SBK1: variants seen among roughly 807,000 people sequenced by gnomAD.
The protein encoded by SBK1 is serine/threonine-protein kinase SBK1.
Under a neutral mutation model 24.4 loss-of-function variants are expected in SBK1, and 11 were observed. The observed-to-expected ratio is 0.45, with a 90% CI of 0.28 to 0.75. The LOEUF is 0.75. Among genes scored for constraint, SBK1 ranks in the 30% least tolerant of loss-of-function variants. The pLI is 0.12. For missense variants in SBK1, 467 were observed against 620.5 expected (o/e 0.75, Z 2.63); for synonymous variants, 308 against 284.4 (o/e 1.08, Z -0.83).
At chr16:28,305,688 C>T (rs893166178) in intron 1 of SBK1, among the ~76,000 whole-genome samples, 3 of 152,044 alleles carry the variant, frequency 2.0e-5, no homozygotes, top group Non-Finnish European at 4.4e-5. Context: ...CCTGCCACCA[C>T]ACCTGGCTAC....
Position 28,320,851 on chromosome 16 carries a change from G to C in SBK1, c.1205G>C (p.Arg402Pro). 1 of 1,481,626 alleles carries C rather than the reference G, an allele frequency of 6.7e-7. No individual in the cohort carries two copies. Among genetic ancestry groups the C allele is most frequent in the South Asian group, 1.2e-5 (1 of 81,774 alleles). 91.8% of individuals were successfully genotyped at this position (1,481,626 alleles called of 1,614,324 possible). A position where few individuals can be genotyped will look rare whatever the true frequency, so the allele number is the denominator to read the frequency against. Reference protein sequence around the residue: ...PGLAPQGPPGRTDGRADKSKG... With the variant: ...PGLAPQGPPGPTDGRADKSKG... ...CTAGCTCCCCAGGGGCCCCCCGGCC[G>C]GACCGACGGCCGCGCGGACAAGAGC... is the stretch of plus-strand genomic sequence containing the variant. Residue 402 changes from arginine (R) to proline (P), a missense_variant, in exon 4 of 4, where the codon CGG becomes CCG. Physicochemically the swap from Arg to Pro is moderately radical, Grantham distance 103. This residue lies in a region of SBK1 where 166 missense variants were observed against 146.8 expected (regional missense o/e 1.13). Transcript: ENST00000341901. The surrounding 1 kb of genome is among the most constrained non-coding windows in gnomAD (Gnocchi z 8.5).
At chr16:28,304,403 G>C (rs913702449) in intron 1 of SBK1, among the ~76,000 whole-genome samples, 6 of 152,128 alleles carry the variant, frequency 3.9e-5, no homozygotes, top group Non-Finnish European at 7.3e-5. Flanking sequence ...CAAGAATAGA[G>C]AAGGGGAGAT....
In SBK1 at chr16:28,292,685, G is replaced by A. The variant is rs1055427246; in HGVS notation, c.-623G>A. On this transcript the variant is annotated 5_prime_UTR_variant, in exon 1 of 4. It removes the in-frame stop codon of an upstream open reading frame in the 5' UTR. Coordinates refer to ENST00000341901, the MANE Select transcript of SBK1 (RefSeq NM_001024401.3). ...GCGGCGACCGAGCCCCCCAGCGGCT[G>A]AGGGGCTTCCAGCGCCCGCCGGTGG... 1.4e-5 allele frequency: 14 copies of A among 984,468 alleles called. No homozygotes were observed. In the African/African-American group the frequency reaches 2.4e-4, roughly 17 times the overall value. 61.0% of individuals were successfully genotyped at this position (984,468 alleles called of 1,614,324 possible).
chr16:28,299,576 G>A (rs1053695814), intron 1 of SBK1, among the ~76,000 whole-genome samples: 7 of 152,150 alleles, frequency 4.6e-5, no homozygotes, highest in African/African-American at 1.7e-4. Context: ...CTGTGTCAGG[G>A]AGGAATCTGC....
At chr16:28,273,658 T>C (rs1485193506) in intron 1 of SBK1, among the ~76,000 whole-genome samples, 5 of 152,206 alleles carry the variant, frequency 3.3e-5, no homozygotes, top group Non-Finnish European at 5.9e-5. Context: ...GGTCTTAAAC[T>C]CCTGAGCTCA....
chr16:28,303,840 A>T (rs1357226094), intron 1 of SBK1, among the ~76,000 whole-genome samples: 1 of 152,110 alleles, frequency 6.6e-6, no homozygotes, highest in Non-Finnish European at 1.5e-5. Context: ...GCAAGGTAGC[A>T]TATTAACTAC....
At chr16:28,260,994 T>G (rs117207726) in intron 1 of SBK1, among the ~76,000 whole-genome samples, 3 of 151,698 alleles carry the variant, frequency 2.0e-5, no homozygotes, top group Non-Finnish European at 4.4e-5. Flanking sequence ...GAAGGCTTGG[T>G]GCAAATAAGA....
intron 1 of SBK1, among the ~76,000 whole-genome samples, chr16:28,303,470 T>C (rs1256790570): frequency 6.6e-6 from 1 of 151,480 alleles, no homozygotes; most frequent in South Asian, 2.1e-4. Context: ...TTCTTACTTC[T>C]CACTATTTCT....
At chr16:28,310,933 C>A (rs1399446789) in intron 1 of SBK1, among the ~76,000 whole-genome samples, 7 of 152,208 alleles carry the variant, frequency 4.6e-5, no homozygotes, top group Admixed American at 4.6e-4. Flanking sequence ...ATTGCTCCCC[C>A]TGTGCCTCCG....
At chr16:28,280,149 A>ATATATATATGTGTGTGTGTGTG (rs1230385223) in intron 1 of SBK1, among the ~76,000 whole-genome samples, 3 of 39,402 alleles carry the variant, frequency 7.6e-5, no homozygotes, top group South Asian at 8.4e-4. Context: ...ATATATATAT[A>ATATATATATGTGTGTGTGTGTG]TGTGTGTGTG....
At chr16:28,304,774 A>AT (rs374970430) in intron 1 of SBK1, among the ~76,000 whole-genome samples, 3,168 of 151,542 alleles carry the variant, frequency 0.021, 103 homozygotes, top group African/African-American at 0.073. Flanking sequence ...CGCCCAGCTA[A>AT]TTTTTTTGTA....
At chr16:28,300,664 G>A (rs2044672658) in intron 1 of SBK1, among the ~76,000 whole-genome samples, 2 of 152,200 alleles carry the variant, frequency 1.3e-5, no homozygotes, top group Admixed American at 1.3e-4. Context: ...GAACTGTAAA[G>A]GATGTAAGGG....
At position 28,259,524 on chromosome 16, in the gene SBK1, G is replaced by C. The variant is rs778639108; in HGVS notation, c.257+22G>C. On this transcript the variant is annotated intron_variant, in intron 1 of 3. Transcript: ENST00000671413. The surrounding 1 kb of genome is among the most constrained non-coding windows in gnomAD (Gnocchi z 6.0). ...GGAGGTCAGTGCTCGTGGGTGGCCAGTGGGTGGGCAGCAGGTGGGCACAGC... is the reference window on the plus strand; with the variant it reads ...GGAGGTCAGTGCTCGTGGGTGGCCACTGGGTGGGCAGCAGGTGGGCACAGC... 1 of 911,234 alleles carries C rather than the reference G, an allele frequency of 1.1e-6. No homozygotes were observed. The highest frequency in any genetic ancestry group is 1.3e-6 in the Non-Finnish European group (1 of 762,124). The allele number at this position is 911,234 out of a possible 1,614,324, so 56.4% of individuals were successfully genotyped here. A position where few individuals can be genotyped will look rare whatever the true frequency, so the allele number is the denominator to read the frequency against.
At chr16:28,309,866 G>A (rs2044742652) in intron 1 of SBK1, among the ~76,000 whole-genome samples, 1 of 152,222 alleles carries the variant, frequency 6.6e-6, no homozygotes, top group Admixed American at 6.5e-5. Flanking sequence ...GTGCGCATGT[G>A]TGCATGTGTG....
intron 1 of SBK1, among the ~76,000 whole-genome samples, chr16:28,275,909 G>C (rs573021913): frequency 3.6e-4 from 53 of 147,364 alleles, no homozygotes; most frequent in Non-Finnish European, 6.3e-4. Flanking sequence ...AAGGAAGGAA[G>C]GAACGAAGGA....
intron 1 of SBK1, among the ~76,000 whole-genome samples, chr16:28,303,266 A>T (rs1265994697): frequency 6.6e-6 from 1 of 151,994 alleles, no homozygotes; most frequent in Non-Finnish European, 1.5e-5. Flanking sequence ...GCTCCTTGGC[A>T]GCTGTGTTGA....
At chr16:28,287,402 T>C (rs2044572607) in intron 1 of SBK1, among the ~76,000 whole-genome samples, 1 of 150,826 alleles carries the variant, frequency 6.6e-6, no homozygotes, top group Non-Finnish European at 1.5e-5. Context: ...TGAGCCGAGA[T>C]TGTGCCATTG....
chr16:28,275,838 C>T (rs1232065327), intron 1 of SBK1, among the ~76,000 whole-genome samples: 1 of 151,668 alleles, frequency 6.6e-6, no homozygotes, highest in Non-Finnish European at 1.5e-5. Flanking sequence ...CACTGCACCA[C>T]TGCACTCCAG....
rs1377148225 is a variant in SBK1, at chr16:28,293,158, A to G, written c.-150A>G. On this transcript the variant is annotated 5_prime_UTR_variant, in exon 1 of 4. Transcript: ENST00000341901. ...TCGGGGATCCCCCCCCTAAAGCTCC[A>G]GGACTTGGGCGACTGAGCCCCTGGC... 1.0e-5 allele frequency: 10 copies of G among 985,372 alleles called. No homozygotes were observed. The highest frequency in any genetic ancestry group is 1.2e-5 in the Non-Finnish European group (10 of 830,036). 61.0% of individuals were successfully genotyped at this position (985,372 alleles called of 1,614,324 possible). A position where few individuals can be genotyped will look rare whatever the true frequency, so the allele number is the denominator to read the frequency against.
Sources: gnomAD v4.1 joint callset for allele counts (sites outside exome capture counted in the v4.1 genomes callset) on GRCh38, gnomAD v4.1.1 for gene constraint, gnomAD v4.1.1 regional missense constraint, Gnocchi (gnomAD v3.1) non-coding constraint, MANE v1.5 for transcripts, NCBI Gene and HGNC (gene_info 2026-07-23, HGNC 2026-07-21) for gene names.